Variants in ARHGEF3 observed in about 807,000 individuals in gnomAD.
ARHGEF3 encodes Rho guanine nucleotide exchange factor 3, also known as 59.8 kDA protein.
In ARHGEF3, 28 loss-of-function variants were observed where a neutral mutation model predicts 63.2. That is an observed-to-expected ratio of 0.44 (90% confidence interval 0.33 to 0.61). The LOEUF (loss-of-function observed/expected upper bound fraction) is 0.61, where lower values mean the gene tolerates loss of function less well. ARHGEF3 is among the 20% of genes least tolerant of loss of function. ARHGEF3 has a pLI of 0.03. For synonymous variants in ARHGEF3, 266 were observed against 254.2 expected, an observed-to-expected ratio of 1.05 and a Z score of -0.44; for missense variants, 533 against 659.3, an observed-to-expected ratio of 0.81 and a Z score of 2.10.
intron 2 of ARHGEF3, among the ~76,000 whole-genome samples, chr3:57,014,066 A>G (rs994391931): frequency 6.6e-6 from 1 of 152,098 alleles, no homozygotes; most frequent in Non-Finnish European, 1.5e-5. Context: ...TTCACTCTTA[A>G]AGCCAGCGAG....
At chr3:56,967,297 A>T (rs1198161438) in intron 2 of ARHGEF3, among the ~76,000 whole-genome samples, 3 of 86,704 alleles carry the variant, frequency 3.5e-5, no homozygotes, top group East Asian at 3.3e-4. Flanking sequence ...ATATTATACA[A>T]ATTATATATT....
intron 3 of ARHGEF3, among the ~76,000 whole-genome samples, chr3:56,918,482 G>GCACTTC (rs1416786904): frequency 2.0e-5 from 3 of 152,276 alleles, no homozygotes; most frequent in African/African-American, 7.2e-5. Flanking sequence ...TCGTGCAAGA[G>GCACTTC]GTGAAACTTG....
chr3:57,068,919 A>T (rs996689225), intron 1 of ARHGEF3, among the ~76,000 whole-genome samples: 7 of 138,270 alleles, frequency 5.1e-5, no homozygotes, highest in African/African-American at 1.6e-4. Flanking sequence ...AAAAGATCTG[A>T]TTTTTTTTTT....
At chr3:57,055,244 T>C (rs915504316) in intron 1 of ARHGEF3, among the ~76,000 whole-genome samples, 1 of 149,430 alleles carries the variant, frequency 6.7e-6, no homozygotes, top group Non-Finnish European at 1.5e-5. Context: ...TCACGGCAAC[T>C]TCTGCCTCCC....
intron 4 of ARHGEF3, among the ~76,000 whole-genome samples, chr3:56,821,953 ACT>A (rs2038511511): frequency 7.2e-6 from 1 of 139,322 alleles, no homozygotes; most frequent in South Asian, 2.2e-4. Flanking sequence ...ACAGAGAAAG[ACT>A]CTGTCTCGAG....
At chr3:57,023,254 G>A (rs2059262791) in intron 2 of ARHGEF3, among the ~76,000 whole-genome samples, 1 of 152,144 alleles carries the variant, frequency 6.6e-6, no homozygotes, top group African/African-American at 2.4e-5. Flanking sequence ...GTGGATGGAT[G>A]GATTTGTTCA....
chr3:56,959,743 C>T (rs879815682), intron 2 of ARHGEF3, among the ~76,000 whole-genome samples: 9 of 152,180 alleles, frequency 5.9e-5, no homozygotes, highest in African/African-American at 1.2e-4. Flanking sequence ...TTTGGGAGGC[C>T]GAAACAGGCA....
chr3:56,773,117 C>A (rs1212781238), intron 2 of ARHGEF3, among the ~76,000 whole-genome samples: 1 of 152,068 alleles, frequency 6.6e-6, no homozygotes, highest in African/African-American at 2.4e-5. Flanking sequence ...TCAATTATGC[C>A]ATAGTACAAA....
At chr3:57,033,450 C>T (rs1125010) in intron 2 of ARHGEF3, among the ~76,000 whole-genome samples, 17,887 of 150,518 alleles carry the variant, frequency 0.12, 1,416 homozygotes, top group Non-Finnish European at 0.17. Context: ...TCACATATGT[C>T]TTGAAAACAT....
chr3:57,042,688 ATATATATATATATT>A (rs1214645365), intron 1 of ARHGEF3, among the ~76,000 whole-genome samples: 4 of 8,868 alleles, frequency 4.5e-4, no homozygotes, highest in Admixed American at 3.6e-3. Context: ...ATATATATAT[ATATATATATATATT>A]TTTTTTTTTT....
intron 3 of ARHGEF3, chr3:56,916,271 G>C: frequency 6.5e-7 from 1 of 1,529,966 alleles, no homozygotes. Flanking sequence ...TGGGAGTTGA[G>C]AGCCGGCCCA....
chr3:56,851,855 C>T (rs554791610), intron 4 of ARHGEF3, among the ~76,000 whole-genome samples: 1 of 152,208 alleles, frequency 6.6e-6, no homozygotes, highest in Admixed American at 6.5e-5. Flanking sequence ...GTGATCCACC[C>T]ACCTCAGCCT....
In ARHGEF3 at chr3:56,851,794, C is replaced by T. The variant is rs371257922; in HGVS notation, c.192+30498G>A. ...GCAAAAAGAAGAAAAAATTAAGTTA[C>T]TCAGGGCATTCACAATGTTGCCCAG... is the stretch of plus-strand genomic sequence containing the variant. On this transcript the variant is annotated intron_variant, in intron 4 of 12. Coordinates refer to the ARHGEF3 transcript ENST00000338458. Among the ~76,000 whole-genome samples the T allele has an allele frequency of 9.5e-5, 14 of 147,500 alleles. 2 individuals carry two copies. Among genetic ancestry groups the T allele is most frequent in the Admixed American group, 6.0e-4 (9 of 14,878 alleles).
intron 2 of ARHGEF3, among the ~76,000 whole-genome samples, chr3:57,027,019 G>C (rs1703505671): frequency 6.6e-6 from 1 of 152,212 alleles, no homozygotes; most frequent in South Asian, 2.1e-4. Context: ...AATTGTCACA[G>C]AGAAGTAGAG....
intron 3 of ARHGEF3, among the ~76,000 whole-genome samples, chr3:56,957,734 G>T (rs1700104311): frequency 6.6e-6 from 1 of 152,172 alleles, no homozygotes; most frequent in Admixed American, 6.5e-5. Flanking sequence ...GGTAAAGTGT[G>T]TGGGCCCGGA....
chr3:56,792,450 A>G (rs2037136614), intron 1 of ARHGEF3, among the ~76,000 whole-genome samples: 1 of 152,180 alleles, frequency 6.6e-6, no homozygotes, highest in African/African-American at 2.4e-5. Flanking sequence ...TAGGACAGAG[A>G]GGTTGTTGGC....
chr3:56,783,459 CT>C (rs2036657278), intron 1 of ARHGEF3, among the ~76,000 whole-genome samples: 2 of 152,174 alleles, frequency 1.3e-5, no homozygotes, highest in African/African-American at 4.8e-5. Context: ...CATTTTGTTT[CT>C]GAGAGAAGAC....
intron 3 of ARHGEF3, among the ~76,000 whole-genome samples, chr3:56,894,228 C>G (rs959678188): frequency 2.0e-5 from 3 of 152,178 alleles, no homozygotes; most frequent in Non-Finnish European, 4.4e-5. Flanking sequence ...ACTGGAATCA[C>G]CTGGGTCCGC....
In ARHGEF3 at chr3:56,774,926, CAAA is replaced by C. The variant is rs562504829; in HGVS notation, c.97-1113_97-1111del. 35 of 995,534 alleles carry C rather than the reference CAAA, an allele frequency of 3.5e-5. No individual in the cohort carries two copies. In the Middle Eastern group the frequency reaches 7.0e-4, roughly 20 times the overall value. 61.7% of individuals were successfully genotyped at this position (995,534 alleles called of 1,614,324 possible). On this transcript the variant is annotated intron_variant, in intron 1 of 9. Transcript: ENST00000296315. Reference sequence around the variant, plus strand: ...ACAAACAAACAAACAACAACAACAACAAAAAAAAAACAGGCTATGGGGAAGAGA... The same window carrying C: ...ACAAACAAACAAACAACAACAACAACAAAAAAACAGGCTATGGGGAAGAGA...
Sources: gnomAD v4.1 joint callset for allele counts (sites outside exome capture counted in the v4.1 genomes callset) on GRCh38, gnomAD v4.1.1 for gene constraint, MANE v1.5 for transcripts, NCBI Gene and HGNC (gene_info 2026-07-23, HGNC 2026-07-21) for gene names.